BACC1: variants seen among roughly 807,000 people sequenced by gnomAD.
BACC1 encodes the protein BPTF-associated chromatin complex component 1.
chr17:7,015,763 C>G, the BACC1 span: 7 of 1,612,066 alleles, frequency 4.3e-6, no homozygotes, highest in East Asian at 1.6e-4. Flanking sequence ...CCCCCTCTCC[C>G]CTTCTGACAG....
the BACC1 span, chr17:7,015,137 G>C: frequency 6.3e-7 from 1 of 1,580,902 alleles, no homozygotes; most frequent in East Asian, 2.4e-5. Flanking sequence ...GCATCCCGTG[G>C]CCGACTCTTC....
the BACC1 span, chr17:7,017,519 C>T: frequency 1.4e-6 from 1 of 712,190 alleles, no homozygotes. Context: ...ATTTCCCTCT[C>T]AGCTTCGTGC....
chr17:7,017,131 G>A, the BACC1 span: 9 of 1,534,860 alleles, frequency 5.9e-6, no homozygotes, highest in African/African-American at 2.7e-5. Context: ...CAGAAGAGAA[G>A]GTGCTCTCAT....
chr17:7,016,317 C>T, the BACC1 span: 52,514 of 645,882 alleles, frequency 0.081, 3,468 homozygotes, highest in Admixed American at 0.29. Context: ...CTCCACTCTC[C>T]ACACTCCATC....
the BACC1 span, chr17:7,016,948 A>G: frequency 6.2e-7 from 1 of 1,614,092 alleles, no homozygotes. Flanking sequence ...CGATGCCAAC[A>G]GTGACGTGGT....
chr17:7,014,800 G>A, the BACC1 span: 9 of 1,521,536 alleles, frequency 5.9e-6, no homozygotes, highest in Non-Finnish European at 7.0e-6. This position sits in a 1 kb window ranked among gnomAD's most constrained non-coding sequence, Gnocchi z 4.5. Context: ...TGCTCTCCGT[G>A]GTCCCGGCTC....
At chr17:7,015,332 C>G in the BACC1 span, 7 of 1,372,834 alleles carry the variant, frequency 5.1e-6, no homozygotes, top group African/African-American at 1.5e-5. Context: ...GATAAAAATA[C>G]AGACAGGCCC....
the BACC1 span, chr17:7,016,942 G>A: frequency 3.7e-6 from 6 of 1,613,952 alleles, no homozygotes; most frequent in Middle Eastern, 4.9e-4. Flanking sequence ...CGACTCCGAT[G>A]CCAACAGTGA....
the BACC1 span, chr17:7,016,714 G>T: frequency 1.9e-6 from 3 of 1,594,714 alleles, no homozygotes; most frequent in Non-Finnish European, 2.6e-6. Context: ...CTGCCTAGGG[G>T]TTAAAGGTCC....
the BACC1 span, chr17:7,015,163 G>A: frequency 6.4e-7 from 1 of 1,568,210 alleles, no homozygotes; most frequent in Non-Finnish European, 8.6e-7. Flanking sequence ...CGGGGTACGT[G>A]AGCCCGGACT....
chr17:7,015,016 C>A, the BACC1 span: 1 of 1,102,432 alleles, frequency 9.1e-7, no homozygotes, highest in East Asian at 6.5e-5. Context: ...CCGGGCGGGA[C>A]GGGGAGGGCG....
chr17:7,017,426 A>T, the BACC1 span: 1 of 1,076,060 alleles, frequency 9.3e-7, no homozygotes, highest in East Asian at 2.4e-5. Context: ...TGGGGCTGCC[A>T]CCTCGCTATT....
chr17:7,014,968 G>A, the BACC1 span: 1 of 1,447,074 alleles, frequency 6.9e-7, no homozygotes, highest in Non-Finnish European at 9.1e-7. This position sits in a 1 kb window ranked among gnomAD's most constrained non-coding sequence, Gnocchi z 4.5. Flanking sequence ...CCGGGCGGGG[G>A]GCGGGCGGGA....
chr17:7,016,736 T>C, the BACC1 span: 3 of 1,573,106 alleles, frequency 1.9e-6, no homozygotes, highest in Admixed American at 5.7e-5. Flanking sequence ...ATCTGAGGTT[T>C]AGTGAGAGAA....
the BACC1 span, chr17:7,016,055 A>C: frequency 1.7e-6 from 1 of 595,300 alleles, no homozygotes; most frequent in Non-Finnish European, 2.9e-6. Context: ...GAAGTTCCTA[A>C]AATGCTGTGG....
the BACC1 span, chr17:7,015,942 T>G: frequency 1.4e-6 from 2 of 1,384,626 alleles, no homozygotes; most frequent in Non-Finnish European, 2.0e-6. Flanking sequence ...CAAGGTTCCA[T>G]CGTCCTCAGA....
the BACC1 span, chr17:7,016,401 A>G: frequency 1.4e-6 from 2 of 1,411,836 alleles, no homozygotes; most frequent in African/African-American, 2.9e-5. Context: ...CTGGATTCTT[A>G]TGAAGGGACT....
At chr17:7,017,519 C>G in the BACC1 span, 22 of 712,072 alleles carry the variant, frequency 3.1e-5, no homozygotes, top group Non-Finnish European at 4.4e-5. Flanking sequence ...ATTTCCCTCT[C>G]AGCTTCGTGC....
chr17:7,017,309 C>CCT, the BACC1 span: 7 of 1,613,308 alleles, frequency 4.3e-6, no homozygotes, highest in Non-Finnish European at 5.9e-6. Context: ...ATCCTCCTCT[C>CCT]CTCTCCTGCT....
Sources: gnomAD v4.1 joint callset for allele counts on GRCh38, gnomAD v4.1.1 for gene constraint, Gnocchi (gnomAD v3.1) non-coding constraint, MANE v1.5 for transcripts, NCBI Gene and HGNC (gene_info 2026-07-23, HGNC 2026-07-21) for gene names.